The following TJAP1 variants were observed in gnomAD, a reference collection of about 807,000 sequenced individuals.
The protein encoded by TJAP1 is tight junction associated protein 1.
TJAP1 carries 27 observed loss-of-function variants against 42.0 expected under a neutral mutation model. That is an observed-to-expected ratio of 0.64 (90% CI 0.47 to 0.89). The LOEUF (loss-of-function observed/expected upper bound fraction) is 0.89. Ranked by LOEUF, TJAP1 falls within the 40% of genes least tolerant of loss-of-function variation. The pLI, the probability that TJAP1 is intolerant of heterozygous loss-of-function variation, is 0.00. For synonymous variants in TJAP1, 257 were observed against 288.4 expected, an observed-to-expected ratio of 0.89 and a Z score of 1.10; for missense variants, 712 against 726.9, an observed-to-expected ratio of 0.98 and a Z score of 0.24.
At chr6:43,501,206 T>G (rs1274435282) in intron 5 of TJAP1, 1 of 386,036 alleles carries the variant, frequency 2.6e-6, no homozygotes, top group African/African-American at 2.1e-5. Context: ...CCAGCTGACA[T>G]GGGCTGTAAC....
intron 2 of TJAP1, chr6:43,497,404 C>G (rs1448111608): frequency 6.6e-6 from 1 of 152,276 alleles, no homozygotes; most frequent in Non-Finnish European, 1.5e-5. Context: ...TCATTATACA[C>G]CAAATAGCCT....
At chr6:43,480,530 T>G (rs990651082) in intron 2 of TJAP1, among the ~76,000 whole-genome samples, 1 of 152,140 alleles carries the variant, frequency 6.6e-6, no homozygotes, top group Non-Finnish European at 1.5e-5. Flanking sequence ...TTGACTTTTT[T>G]TTTTTGAGAC....
chr6:43,504,800 C>T (rs779030720), exon 11 of TJAP1: 1 of 1,614,210 alleles, frequency 6.2e-7, no homozygotes, highest in Non-Finnish European at 8.5e-7. Context: ...GAAACATTTG[C>T]ACAGTGGTCA....
chr6:43,486,539 A>G (rs1205214605), intron 2 of TJAP1, among the ~76,000 whole-genome samples: 1 of 150,762 alleles, frequency 6.6e-6, no homozygotes, highest in Non-Finnish European at 1.5e-5. Flanking sequence ...TGTTTTTAGT[A>G]GAGATGGGGT....
At chr6:43,496,230 C>G (rs1789107727) in intron 2 of TJAP1, among the ~76,000 whole-genome samples, 2 of 152,122 alleles carry the variant, frequency 1.3e-5, no homozygotes, top group African/African-American at 2.4e-5. Flanking sequence ...ACCCTGTTTT[C>G]CAACTCACGC....
Position 43,495,174 on chromosome 6 carries a change from C to T in TJAP1, c.-121-2707C>T, listed in dbSNP as rs998887341. ...TAGCTGGGTCTTCCTGGAGGGACCA[C>T]TCTGATGCCATCTGCCTCACCCCTT... On this transcript the variant is annotated intron_variant, in intron 2 of 10. Coordinates refer to ENST00000372449, the Ensembl canonical transcript of TJAP1. The surrounding 1 kb of genome is among the most constrained non-coding windows in gnomAD (Gnocchi z 4.6). Among the ~76,000 whole-genome samples, 14 of 152,244 alleles carry T rather than the reference C, an allele frequency of 9.2e-5. No individual in the cohort carries two copies. Among genetic ancestry groups the T allele is most frequent in the Middle Eastern group, 3.2e-3 (1 of 316 alleles).
At chr6:43,489,351 C>T (rs888256166) in intron 2 of TJAP1, among the ~76,000 whole-genome samples, 1 of 152,232 alleles carries the variant, frequency 6.6e-6, no homozygotes, top group Non-Finnish European at 1.5e-5. Flanking sequence ...AGTGCCACCC[C>T]TGGCCAGGCG....
Position 43,492,829 on chromosome 6 carries a change from A to ATCCAGACTTGTGTG in TJAP1, c.-121-5052_-121-5051insTCCAGACTTGTGTG, listed in dbSNP as rs1275430820. 6.6e-6 allele frequency among the ~76,000 whole-genome samples: 1 copy of ATCCAGACTTGTGTG among 152,140 alleles called. No individual in the cohort carries two copies. The highest frequency in any genetic ancestry group is 1.9e-4 in the East Asian group (1 of 5,192). On this transcript the variant is annotated intron_variant, in intron 2 of 10. Coordinates refer to ENST00000372449, the Ensembl canonical transcript of TJAP1. The surrounding 1 kb of genome is among the most constrained non-coding windows in gnomAD (Gnocchi z 4.2). ...GAGACTGGATTTCAGAGGCTTGAGAAGCGGCCAGACTTGTGTGGCGGGAGT... is the reference window on the plus strand; with the variant it reads ...GAGACTGGATTTCAGAGGCTTGAGAATCCAGACTTGTGTGGCGGCCAGACTTGTGTGGCGGGAGT...
Position 43,505,415 on chromosome 6 carries a change from G to A in TJAP1, c.1234G>A (p.Val412Ile). 1.2e-6 allele frequency: 2 copies of A among 1,612,544 alleles called. No individual in the cohort carries two copies. The highest frequency in any genetic ancestry group is 2.2e-5 in the South Asian group (2 of 91,074). The change falls in exon 11 of 11, where the codon GTC (valine) becomes ATC (isoleucine). Residue 412 changes from valine (V) to isoleucine (I), a missense_variant. Transcript: ENST00000372449. This position sits in a 1 kb window ranked among gnomAD's most constrained non-coding sequence, Gnocchi z 5.5. The stretch of plus-strand genomic sequence containing the variant: ...TGCCAGCTCTGAAGAGGACCTGCTG[G>A]TCAGCTGGCAGCGGGCATTTGTGGA...
At chr6:43,499,168 C>G (rs1789940003) in intron 4 of TJAP1, 68 bp downstream of exon 4, 1 of 1,586,120 alleles carries the variant, frequency 6.3e-7, no homozygotes, top group Admixed American at 1.8e-5. Context: ...GTCTGGCTGA[C>G]TTCTCCTGCC....
exon 11 of TJAP1, chr6:43,504,861 T>G (rs1791905710): frequency 6.2e-7 from 1 of 1,614,184 alleles, no homozygotes; most frequent in African/African-American, 1.3e-5. Flanking sequence ...GGGGCTGTGG[T>G]GCCTACCTCA....
intron 6 of TJAP1, 71 bp downstream of exon 6, chr6:43,501,758 A>ACACACTCT (rs1423256237): frequency 5.0e-4 from 245 of 493,256 alleles, no homozygotes; most frequent in African/African-American, 8.9e-4. Flanking sequence ...ACACACACAC[A>ACACACTCT]CTCTCTCTGT....
chr6:43,502,175 G>A lies in TJAP1; in HGVS notation c.291-108G>A, dbSNP rs982428733. 9 of 1,104,092 alleles carry A rather than the reference G, an allele frequency of 8.2e-6. No homozygotes were observed. In the African/African-American group the frequency reaches 1.3e-4, roughly 15 times the overall value. The allele number at this position is 1,104,092 out of a possible 1,614,324, so 68.4% of individuals were successfully genotyped here. ...ATCTAATTCCTATTAGAAAACTGAA[G>A]TTCTTGAGGGAGAATGACATGTTCA... is the stretch of plus-strand genomic sequence containing the variant. On this transcript the variant is annotated intron_variant, in intron 6 of 10. Transcript: ENST00000372449.
intron 2 of TJAP1, among the ~76,000 whole-genome samples, chr6:43,486,044 T>C (rs1453913797): frequency 2.0e-5 from 3 of 151,732 alleles, no homozygotes; most frequent in African/African-American, 7.3e-5. Context: ...CGATCTTGGC[T>C]CACTGCAACC....
intron 10 of TJAP1, chr6:43,504,510 A>G: frequency 1.8e-6 from 1 of 557,382 alleles, no homozygotes; most frequent in East Asian, 3.0e-5. Flanking sequence ...GTTTGAGAAC[A>G]TGCTGGCTGC....
At chr6:43,494,199 G>A (rs1788495468) in intron 2 of TJAP1, among the ~76,000 whole-genome samples, 1 of 152,204 alleles carries the variant, frequency 6.6e-6, no homozygotes, top group Non-Finnish European at 1.5e-5. Flanking sequence ...TGGCAATTAG[G>A]AAGCTATCAC....
intron 2 of TJAP1, among the ~76,000 whole-genome samples, chr6:43,483,901 A>G (rs913882309): frequency 6.6e-6 from 1 of 151,982 alleles, no homozygotes; most frequent in African/African-American, 2.4e-5. Flanking sequence ...TGTCTCTACA[A>G]AAGACATTCA....
intron 2 of TJAP1, among the ~76,000 whole-genome samples, chr6:43,496,363 A>G (rs1450915719): frequency 6.6e-6 from 1 of 152,188 alleles, no homozygotes; most frequent in Non-Finnish European, 1.5e-5. Flanking sequence ...GGCAGCCCCA[A>G]GGAACCTGTT....
At chr6:43,503,162 C>T (rs1031125144) in intron 8 of TJAP1, 2 of 561,528 alleles carry the variant, frequency 3.6e-6, no homozygotes, top group Admixed American at 3.1e-5. Context: ...TCTTATACTG[C>T]CTGTGTCCTG....
Sources: allele counts gnomAD v4.1 joint callset (sites outside exome capture counted in the v4.1 genomes callset), GRCh38; gene constraint gnomAD v4.1.1; non-coding constraint Gnocchi (gnomAD v3.1); transcripts MANE v1.5; gene names NCBI Gene and HGNC (gene_info 2026-07-23, HGNC 2026-07-21).